TIMM9: variants seen among roughly 807,000 people sequenced by gnomAD.
TIMM9 encodes the protein mitochondrial import inner membrane translocase subunit Tim9.
Under a neutral mutation model 13.4 loss-of-function variants are expected in TIMM9, and 10 were observed. The observed-to-expected ratio is 0.75, with a 90% confidence interval of 0.46 to 1.26. The LOEUF (loss-of-function observed/expected upper bound fraction) is 1.26. Ranked by LOEUF, TIMM9 falls within the 50% of genes most tolerant of loss-of-function variation. The probability of loss-of-function intolerance (pLI) is 0.00; values close to 1 mark genes in which losing one functional copy is unlikely to be tolerated. For synonymous variants in TIMM9, 32 were observed against 32.1 expected (o/e 1.00, Z 0.01); for missense variants, 87 against 100.8 (o/e 0.86, Z 0.58).
At position 58,409,071 on chromosome 14, in the gene TIMM9, A is replaced by G; in HGVS notation, c.233T>C (p.Leu78Pro). 1.2e-6 allele frequency: 2 copies of G among 1,613,886 alleles called. No homozygotes were observed. The highest frequency in any genetic ancestry group is 1.7e-6 in the Non-Finnish European group (2 of 1,179,924). Residue 78 changes from leucine (L) to proline (P), a missense_variant, in exon 6 of 6, where the codon CTG becomes CCG. Leu to Pro is a moderately conservative substitution (Grantham distance 98). Transcript: ENST00000395159. ...QEYHIQQNEA[L>P]AAKAGLLGQP... The stretch of plus-strand genomic sequence containing the variant: ...GCCAAGGAGTCCTGCTTTGGCTGCC[A>G]GGGCTTCATTCTGCTGAATATGATA...
Position 58,408,595 on chromosome 14 carries a change from C to T in TIMM9, c.*439G>A, listed in dbSNP as rs79466234. The T allele has an allele frequency of 2.4e-4, 394 of 1,612,290 alleles. No individual in the cohort carries two copies. In the African/African-American group the frequency reaches 4.1e-3, roughly 17 times the overall value. ...TGATCCTGATTGAAAAACATTTCAACGTATCCACAGTCCAGTGAGAATACT... is the reference window on the plus strand; with the variant it reads ...TGATCCTGATTGAAAAACATTTCAATGTATCCACAGTCCAGTGAGAATACT... On this transcript the variant is annotated 3_prime_UTR_variant, in exon 6 of 6. Coordinates refer to ENST00000395159, the MANE Select transcript of TIMM9 (RefSeq NM_012460.4).
chr14:58,415,592 T>C (rs1389764762), intron 3 of TIMM9, among the ~76,000 whole-genome samples: 4 of 151,898 alleles, frequency 2.6e-5, no homozygotes, highest in Non-Finnish European at 5.9e-5. Context: ...ATAAAATCAA[T>C]AGGAGAATGG....
chr14:58,416,651 G>T (rs980218924), intron 3 of TIMM9, among the ~76,000 whole-genome samples: 2 of 152,136 alleles, frequency 1.3e-5, no homozygotes, highest in Admixed American at 1.3e-4. Flanking sequence ...TATGTTTGTC[G>T]GTTGAAGCAA....
At chr14:58,423,642 T>C (rs1218844341) in intron 3 of TIMM9, among the ~76,000 whole-genome samples, 1 of 151,856 alleles carries the variant, frequency 6.6e-6, no homozygotes, top group Admixed American at 6.6e-5. Flanking sequence ...TGAGGTCTTC[T>C]AAATTTTTCA....
intron 3 of TIMM9, among the ~76,000 whole-genome samples, chr14:58,415,779 TA>T (rs2140325139): frequency 6.6e-6 from 1 of 152,076 alleles, no homozygotes; most frequent in East Asian, 1.9e-4. Flanking sequence ...GGTAGGGTAG[TA>T]AAAGTAGTGG....
chr14:58,419,999 C>T (rs778780538), intron 3 of TIMM9, among the ~76,000 whole-genome samples: 1 of 152,124 alleles, frequency 6.6e-6, no homozygotes, highest in African/African-American at 2.4e-5. Flanking sequence ...ACCATGTTGC[C>T]CAGGCTGTCT....
In TIMM9 at chr14:58,425,288, A is replaced by G. The variant is rs368473982; in HGVS notation, c.-114-1193T>C. 5.3e-5 allele frequency among the ~76,000 whole-genome samples: 8 copies of G among 151,688 alleles called. 1 individual carries two copies. In the South Asian group the frequency reaches 6.2e-4, roughly 12 times the overall value. On this transcript the variant is annotated intron_variant, in intron 2 of 5. Coordinates refer to ENST00000395159, the MANE Select transcript of TIMM9 (RefSeq NM_012460.4). The stretch of plus-strand genomic sequence containing the variant: ...TATCTGGGCAGAGTGGCGGGTGCCT[A>G]TAATCCCAGCTATTTGGGAGGCTGA...
chr14:58,410,983 A>C (rs2036197253), intron 4 of TIMM9, 45 bp from the exon 5 acceptor site: 4 of 1,394,170 alleles, frequency 2.9e-6, no homozygotes, highest in Non-Finnish European at 4.0e-6. Context: ...TTTTTAAAAC[A>C]AAGATGCTTT....
chr14:58,412,893 T>A (rs1304502880), intron 3 of TIMM9, among the ~76,000 whole-genome samples: 1 of 151,716 alleles, frequency 6.6e-6, no homozygotes, highest in Non-Finnish European at 1.5e-5. Context: ...AAAGTGAGAC[T>A]CCATCTCAAA....
At chr14:58,420,609 G>A (rs990252906) in intron 3 of TIMM9, among the ~76,000 whole-genome samples, 1 of 151,856 alleles carries the variant, frequency 6.6e-6, no homozygotes, top group African/African-American at 2.4e-5. Context: ...CCTGGCCAAC[G>A]TGGTGAAACC....
intron 3 of TIMM9, among the ~76,000 whole-genome samples, chr14:58,416,290 G>A (rs1274944159): frequency 1.3e-5 from 2 of 152,034 alleles, no homozygotes; most frequent in African/African-American, 4.8e-5. Context: ...ATTGAAAGCA[G>A]CAAGTGAAAA....
chr14:58,411,826 T>G (rs2036228608), intron 4 of TIMM9, 81 bp downstream of exon 4: 2 of 1,348,086 alleles, frequency 1.5e-6, no homozygotes. Context: ...TGTGAGCCAC[T>G]GCACCCAGCC....
chr14:58,423,487 C>G (rs980022920), intron 3 of TIMM9, among the ~76,000 whole-genome samples: 5 of 134,822 alleles, frequency 3.7e-5, no homozygotes, highest in Admixed American at 2.6e-4. Context: ...TGCATTCCAG[C>G]CTGGGTGACA....
At chr14:58,421,263 T>C (rs909268127) in intron 3 of TIMM9, among the ~76,000 whole-genome samples, 5 of 152,220 alleles carry the variant, frequency 3.3e-5, no homozygotes, top group African/African-American at 1.2e-4. Flanking sequence ...AAATACTGTA[T>C]AATTCCACTT....
intron 3 of TIMM9, among the ~76,000 whole-genome samples, chr14:58,413,880 G>A (rs1165909178): frequency 3.3e-5 from 5 of 151,616 alleles, no homozygotes; most frequent in Non-Finnish European, 7.4e-5. Flanking sequence ...GGTGGTGGGC[G>A]CCTGGAGTCC....
At chr14:58,425,500 G>T (rs1191485487) in intron 2 of TIMM9, among the ~76,000 whole-genome samples, 1 of 151,490 alleles carries the variant, frequency 6.6e-6, no homozygotes, top group African/African-American at 2.4e-5. Context: ...GGAGTTGAAG[G>T]CTTCAGGGAG....
chr14:58,425,614 G>A (rs2036720621), intron 2 of TIMM9, among the ~76,000 whole-genome samples: 2 of 151,754 alleles, frequency 1.3e-5, no homozygotes, highest in Non-Finnish European at 2.9e-5. Context: ...AAATTAAGTT[G>A]TCATTTTAAT....
chr14:58,412,449 G>C (rs557875524), intron 3 of TIMM9, among the ~76,000 whole-genome samples: 1 of 152,252 alleles, frequency 6.6e-6, no homozygotes, highest in African/African-American at 2.4e-5. Context: ...CAGAGAATTA[G>C]ATTTTCTAAT....
At chr14:58,416,136 G>A (rs545198102) in intron 3 of TIMM9, among the ~76,000 whole-genome samples, 27 of 152,076 alleles carry the variant, frequency 1.8e-4, no homozygotes, top group Non-Finnish European at 2.6e-4. Context: ...GCTGAGGCAC[G>A]AGAATTGCTT....
Sources: allele counts gnomAD v4.1 joint callset (sites outside exome capture counted in the v4.1 genomes callset), GRCh38; gene constraint gnomAD v4.1.1; transcripts MANE v1.5; gene names NCBI Gene and HGNC (gene_info 2026-07-23, HGNC 2026-07-21).